COL25A1: variants seen among roughly 807,000 people sequenced by gnomAD.
COL25A1 encodes collagen alpha-1(XXV) chain.
A neutral mutation model predicts 128.4 loss-of-function variants in COL25A1; 103 were observed. The observed-to-expected ratio is 0.80, with a 90% CI of 0.68 to 0.94. COL25A1 has a LOEUF of 0.94. Among genes scored for constraint, COL25A1 ranks in the 40% least tolerant of loss-of-function variants. The pLI is 0.00. For missense variants in COL25A1, 745 were observed against 840.0 expected, an observed-to-expected ratio of 0.89 and a Z score of 1.40; for synonymous variants, 279 against 277.2, an observed-to-expected ratio of 1.01 and a Z score of -0.06.
At chr4:108,976,197 T>C (rs74725108) in intron 6 of COL25A1, among the ~76,000 whole-genome samples, 11,685 of 152,296 alleles carry the variant, frequency 0.077, 512 homozygotes, top group Non-Finnish European at 0.099. Context: ...AAGTTTATTT[T>C]ATAAGCCAAA....
intron 3 of COL25A1, among the ~76,000 whole-genome samples, chr4:109,225,475 G>A (rs1192530872): frequency 2.6e-5 from 4 of 152,188 alleles, no homozygotes; most frequent in Non-Finnish European, 5.9e-5. Context: ...CGAGGATGCG[G>A]AGAAAACGGA....
In COL25A1 at chr4:109,226,084, T is replaced by C. The variant is rs1366156400; in HGVS notation, c.367+74499A>G. Among the ~76,000 whole-genome samples the C allele has an allele frequency of 2.0e-5, 3 of 151,966 alleles. No homozygotes were observed. The East Asian group carries it at 5.8e-4, about 29-fold the overall frequency. ...TGAAATCATGTCTTTTGTGGTCACA[T>C]GGGTGAAACTGGAGACCATTGTTTT... On this transcript the variant is annotated intron_variant, in intron 3 of 37. Coordinates refer to ENST00000399132, the MANE Select transcript of COL25A1 (RefSeq NM_198721.4).
chr4:109,021,820 G>C (rs765125076), intron 5 of COL25A1: 3 of 446,668 alleles, frequency 6.7e-6, no homozygotes, highest in Non-Finnish European at 1.3e-5. Context: ...TGTCCTATGC[G>C]GTTGAGATAA....
intron 31 of COL25A1, among the ~76,000 whole-genome samples, chr4:108,839,521 G>A (rs1734178210): frequency 1.3e-5 from 2 of 152,188 alleles, no homozygotes; most frequent in African/African-American, 4.8e-5. Flanking sequence ...TTTGAGATCC[G>A]TGGCTTTGCA....
At chr4:109,206,660 CA>C (rs1578437030) in intron 3 of COL25A1, among the ~76,000 whole-genome samples, 1 of 152,132 alleles carries the variant, frequency 6.6e-6, no homozygotes, top group Non-Finnish European at 1.5e-5. Flanking sequence ...TAAAAGAATC[CA>C]GATTTTTTAC....
At chr4:109,181,228 TC>T (rs1322593287) in intron 3 of COL25A1, among the ~76,000 whole-genome samples, 1 of 152,134 alleles carries the variant, frequency 6.6e-6, no homozygotes, top group Non-Finnish European at 1.5e-5. Flanking sequence ...TGGAGGAGAC[TC>T]CCTTGAGGAT....
intron 5 of COL25A1, among the ~76,000 whole-genome samples, chr4:109,025,346 G>C (rs1410168457): frequency 6.6e-6 from 1 of 152,106 alleles, no homozygotes; most frequent in African/African-American, 2.4e-5. Flanking sequence ...TGTATATATT[G>C]AGTAATTTGG....
At chr4:109,269,718 G>C (rs1000040453) in intron 3 of COL25A1, among the ~76,000 whole-genome samples, 1 of 152,062 alleles carries the variant, frequency 6.6e-6, no homozygotes, top group African/African-American at 2.4e-5. Context: ...TTTTTTGGCT[G>C]CATAAATGTC....
At chr4:108,945,328 G>A (rs1178279538) in intron 8 of COL25A1, among the ~76,000 whole-genome samples, 2 of 152,130 alleles carry the variant, frequency 1.3e-5, no homozygotes, top group African/African-American at 4.8e-5. Flanking sequence ...CTTCTTGCAC[G>A]AGTTCTTTGG....
In COL25A1 at chr4:108,809,386, C is replaced by A. The variant is rs1730621852; in HGVS notation, c.*4541G>T. On this transcript the variant is annotated 3_prime_UTR_variant, in exon 38 of 38. Transcript: ENST00000399132. ...TTTACAACAGTATAAAGAATATTCA[C>A]ATAAATGTCAACAGTATGTAAGACA... is the stretch of plus-strand genomic sequence containing the variant. The A allele has an allele frequency of 6.6e-6, 1 of 151,994 alleles. No individual in the cohort carries two copies. Among genetic ancestry groups the A allele is most frequent in the South Asian group, 2.1e-4 (1 of 4,836 alleles). 9.4% of individuals were successfully genotyped at this position (151,994 alleles called of 1,614,324 possible). A position where few individuals can be genotyped will look rare whatever the true frequency, so the allele number is the denominator to read the frequency against.
chr4:109,127,439 G>A (rs1011741293), intron 3 of COL25A1, among the ~76,000 whole-genome samples: 24 of 152,206 alleles, frequency 1.6e-4, no homozygotes, highest in African/African-American at 5.5e-4. Context: ...CATAAACACA[G>A]CTCTAGTGGT....
At chr4:108,942,749 CTTTTTTTTTTTT>C (rs746618908) in intron 8 of COL25A1, among the ~76,000 whole-genome samples, 39 of 69,964 alleles carry the variant, frequency 5.6e-4, no homozygotes, top group African/African-American at 2.5e-3. Context: ...CACATCTGGA[CTTTTTTTTTTTT>C]TTTTTTTTTT....
At chr4:108,841,439 T>C (rs2125750248) in intron 31 of COL25A1, among the ~76,000 whole-genome samples, 1 of 152,306 alleles carries the variant, frequency 6.6e-6, no homozygotes, top group Middle Eastern at 3.4e-3. Flanking sequence ...GAGTACATTA[T>C]GATTTGTAAT....
intron 8 of COL25A1, among the ~76,000 whole-genome samples, chr4:108,973,802 C>T (rs1404854088): frequency 6.6e-6 from 1 of 152,176 alleles, no homozygotes; most frequent in Non-Finnish European, 1.5e-5. Flanking sequence ...AGGGCCACAT[C>T]TGAGAAGCTT....
chr4:108,936,200 G>T (rs925050124), intron 11 of COL25A1, among the ~76,000 whole-genome samples: 2 of 152,064 alleles, frequency 1.3e-5, no homozygotes, highest in Admixed American at 1.3e-4. Context: ...CAAAGGTTTT[G>T]TTTAAGTTTT....
intron 8 of COL25A1, among the ~76,000 whole-genome samples, chr4:108,965,338 A>T (rs1456623157): frequency 6.6e-6 from 1 of 152,194 alleles, no homozygotes; most frequent in African/African-American, 2.4e-5. Flanking sequence ...GAGACCAATA[A>T]CCACTAAATC....
At position 109,083,448 on chromosome 4, in the gene COL25A1, ATT is replaced by A. The variant is rs60165291; in HGVS notation, c.368-33271_368-33270del. Reference sequence around the variant, plus strand: ...CACCAATAACTTTTACACTAAATAAATTTTTTTTTTTTTTTTTTTTTTTTTTT... The same window carrying A: ...CACCAATAACTTTTACACTAAATAAATTTTTTTTTTTTTTTTTTTTTTTTT... On this transcript the variant is annotated intron_variant, in intron 3 of 37. Coordinates refer to ENST00000399132, the MANE Select transcript of COL25A1 (RefSeq NM_198721.4). Among the ~76,000 whole-genome samples, 506 of 76,880 alleles carry A rather than the reference ATT, an allele frequency of 6.6e-3. 2 individuals are homozygous for A. Among genetic ancestry groups the A allele is most frequent in the African/African-American group, 0.015 (303 of 20,742 alleles). The allele number at this position is 76,880 out of a possible 152,430, so 50.4% of individuals were successfully genotyped here. A position where few individuals can be genotyped will look rare whatever the true frequency, so the allele number is the denominator to read the frequency against.
At chr4:108,864,482 G>A (rs1207557020) in intron 20 of COL25A1, among the ~76,000 whole-genome samples, 2 of 152,176 alleles carry the variant, frequency 1.3e-5, no homozygotes, top group Non-Finnish European at 2.9e-5. Context: ...CATAGTTTAT[G>A]AATGTAAAAG....
intron 11 of COL25A1, among the ~76,000 whole-genome samples, chr4:108,937,395 T>C (rs764496694): frequency 6.6e-6 from 1 of 152,088 alleles, no homozygotes; most frequent in Non-Finnish European, 1.5e-5. Context: ...CGGGTAGAGA[T>C]ATTCAACAGT....
Sources: gnomAD v4.1 joint callset for allele counts (sites outside exome capture counted in the v4.1 genomes callset) on GRCh38, gnomAD v4.1.1 for gene constraint, MANE v1.5 for transcripts, NCBI Gene and HGNC (gene_info 2026-07-23, HGNC 2026-07-21) for gene names.